MACIR: variants seen among roughly 807,000 people sequenced by gnomAD.
MACIR encodes UNC119-binding protein C5orf30.
A neutral mutation model predicts 14.3 loss-of-function variants in MACIR; 4 were observed. The ratio of observed to expected loss-of-function variants is 0.28; its 90% CI spans 0.14 to 0.64. MACIR has a LOEUF of 0.64. MACIR is among the 30% of genes least tolerant of loss of function. The pLI is 0.83. For synonymous variants in MACIR, 101 were observed against 102.4 expected (o/e 0.99, Z 0.08); for missense variants, 228 against 257.6 (o/e 0.89, Z 0.79).
At chr5:103,263,848 C>T (rs558208339) in intron 1 of MACIR, among the ~76,000 whole-genome samples, 8 of 152,060 alleles carry the variant, frequency 5.3e-5, no homozygotes, top group South Asian at 2.1e-4. Flanking sequence ...TATAACCAGA[C>T]GGTATTGGTT....
intron 2 of MACIR, among the ~76,000 whole-genome samples, chr5:103,273,834 GA>G (rs1554237373): frequency 6.6e-6 from 1 of 152,204 alleles, no homozygotes; most frequent in East Asian, 1.9e-4. Flanking sequence ...TATACTAAAT[GA>G]GAATGCAGTA....
At chr5:103,264,161 T>C (rs1395840301) in intron 1 of MACIR, among the ~76,000 whole-genome samples, 1 of 152,168 alleles carries the variant, frequency 6.6e-6, no homozygotes, top group East Asian at 1.9e-4. Flanking sequence ...ATACATGTTG[T>C]CTTATCATTG....
At position 103,276,797 on chromosome 5, in the gene MACIR, A is replaced by C. The variant is rs533752566; in HGVS notation, c.*257A>C. On this transcript the variant is annotated 3_prime_UTR_variant, in exon 3 of 3. Transcript: ENST00000319933. ...TGTTAGTTTGTATAGCTTTTTAGCT[A>C]GGAAAAAAAGGCTTTGGTACAGTAA... 156 of 331,962 alleles carry C rather than the reference A, an allele frequency of 4.7e-4. 2 individuals are homozygous for C. The highest frequency in any genetic ancestry group is 3.2e-3 in the African/African-American group (149 of 46,936). The allele number at this position is 331,962 out of a possible 1,614,324, so 20.6% of individuals were successfully genotyped here. A position where few individuals can be genotyped will look rare whatever the true frequency, so the allele number is the denominator to read the frequency against.
rs1469616251 is a variant in MACIR, at chr5:103,276,061, G to T, written c.142G>T (p.Val48Leu). Residue 48 changes from valine to leucine, a missense_variant, in exon 3 of 3, where the codon GTG becomes TTG. By Grantham distance (32) the Val-to-Leu change is conservative (BLOSUM62 1). Coordinates refer to ENST00000319933, the MANE Select transcript of MACIR (RefSeq NM_033211.4). ...ACCCTGCTCCCCGATGCGGAGGACCGTGTCAGGCTACCAGATCCTACACAT... is the reference window on the plus strand; with the variant it reads ...ACCCTGCTCCCCGATGCGGAGGACCTTGTCAGGCTACCAGATCCTACACAT... ...STPCSPMRRT[V>L]SGYQILHMDS... is the part of the protein sequence containing the mutation. 1 of 1,614,058 alleles carries T rather than the reference G, an allele frequency of 6.2e-7. No homozygotes were observed. Among genetic ancestry groups the T allele is most frequent in the East Asian group, 2.2e-5 (1 of 44,868 alleles).
In MACIR at chr5:103,268,359, A is replaced by G. The variant is rs532356204; in HGVS notation, c.-24+2362A>G. Among the ~76,000 whole-genome samples, 3 of 152,316 alleles carry G rather than the reference A, an allele frequency of 2.0e-5. No homozygotes were observed. The East Asian group carries it at 5.8e-4, about 29-fold the overall frequency. On this transcript the variant is annotated intron_variant, in intron 2 of 2. Transcript: ENST00000319933. ...AAGGAGCCCGATTCTCATTCAGCAC[A>G]GATTTATTTTTATTTTATATGCAGT... is the stretch of plus-strand genomic sequence containing the variant.
intron 1 of MACIR, among the ~76,000 whole-genome samples, chr5:103,262,702 T>G (rs1243004937): frequency 6.6e-6 from 1 of 152,196 alleles, no homozygotes; most frequent in Non-Finnish European, 1.5e-5. Context: ...CTGCTTGGTT[T>G]TTTCCTATTT....
chr5:103,262,700 T>C (rs985605330), intron 1 of MACIR, among the ~76,000 whole-genome samples: 10 of 152,160 alleles, frequency 6.6e-5, no homozygotes, highest in Admixed American at 2.0e-4. Flanking sequence ...CACTGCTTGG[T>C]TTTTTCCTAT....
At chr5:103,272,806 C>T (rs782729494) in intron 2 of MACIR, among the ~76,000 whole-genome samples, 3 of 152,118 alleles carry the variant, frequency 2.0e-5, no homozygotes, top group Non-Finnish European at 2.9e-5. Flanking sequence ...ATATCGAGAC[C>T]TGAAGTTGTT....
rs1805320491 is a variant in MACIR, at chr5:103,276,155, G to A, written c.236G>A (p.Gly79Glu). 1 of 1,613,910 alleles carries A rather than the reference G, an allele frequency of 6.2e-7. No individual in the cohort carries two copies. The highest frequency in any genetic ancestry group is 8.5e-7 in the Non-Finnish European group (1 of 1,179,988). ...CTGAAGTTAGCTCAGAAGTGCACAGGAGGTGAAGAGAGCAAAGCAGAAGCC... is the reference window on the plus strand; with the variant it reads ...CTGAAGTTAGCTCAGAAGTGCACAGAAGGTGAAGAGAGCAAAGCAGAAGCC... ...ELLKLAQKCT[G>E]GEESKAEAMP... The change falls in exon 3 of 3, where the codon GGA becomes GAA. Residue 79 changes from glycine to glutamate, a missense_variant. By Grantham distance (98) the Gly-to-Glu change is moderately conservative. Transcript: ENST00000319933.
chr5:103,264,095 T>A (rs1445072351), intron 1 of MACIR, among the ~76,000 whole-genome samples: 1 of 152,166 alleles, frequency 6.6e-6, no homozygotes, highest in Non-Finnish European at 1.5e-5. Context: ...AGATTTTCAC[T>A]TATAGAAATT....
intron 2 of MACIR, among the ~76,000 whole-genome samples, chr5:103,268,119 G>T (rs552916403): frequency 6.6e-6 from 1 of 152,264 alleles, no homozygotes; most frequent in Non-Finnish European, 1.5e-5. Flanking sequence ...TTCGGTGTTT[G>T]TGAATGAAGC....
At position 103,276,327 on chromosome 5, in the gene MACIR, G is replaced by C. The variant is rs1805331456; in HGVS notation, c.408G>C (p.Lys136Asn). ...RRRRMPSSGD[K>N]CTKSLPYEPY... ...GGCGGATGCCAAGCTCAGGAGACAAGTGCACTAAATCTTTACCTTATGAAC... is the reference window on the plus strand; with the variant it reads ...GGCGGATGCCAAGCTCAGGAGACAACTGCACTAAATCTTTACCTTATGAAC... The change falls in exon 3 of 3, where the codon AAG becomes AAC. Residue 136 changes from lysine to asparagine, a missense_variant. Physicochemically the swap from Lys to Asn is moderately conservative, Grantham distance 94. Transcript: ENST00000319933. 5.0e-6 allele frequency: 8 copies of C among 1,612,832 alleles called. No individual in the cohort carries two copies. Among genetic ancestry groups the C allele is most frequent in the Non-Finnish European group, 5.9e-6 (7 of 1,179,888 alleles).
At position 103,276,462 on chromosome 5, in the gene MACIR, T is replaced by A; in HGVS notation, c.543T>A (p.Ala181=). Residue 181 remains alanine, a synonymous_variant, in exon 3 of 3, where the codon GCT becomes GCA. Transcript: ENST00000319933. ...TAGATAAAATGATCAAGGAGCCAGC[T>A]GATACAGAAGTGCTACAGTACCAGC... ...LNLDKMIKEP[A]DTEVLQYQLQ... 1 of 1,614,066 alleles carries A rather than the reference T, an allele frequency of 6.2e-7. No individual in the cohort carries two copies.
chr5:103,259,462 T>A (rs553409686), intron 1 of MACIR: 1 of 152,150 alleles, frequency 6.6e-6, no homozygotes, highest in Non-Finnish European at 1.5e-5. Flanking sequence ...GCAGCGGGCC[T>A]GGAGGCCCCT....
chr5:103,261,432 T>C (rs1296414886), intron 1 of MACIR, among the ~76,000 whole-genome samples: 4 of 152,246 alleles, frequency 2.6e-5, no homozygotes, highest in Non-Finnish European at 5.9e-5. Context: ...TAAGCCATTT[T>C]ATTTCTGCTT....
intron 2 of MACIR, among the ~76,000 whole-genome samples, chr5:103,269,125 T>C (rs1219091559): frequency 2.6e-5 from 4 of 152,082 alleles, no homozygotes; most frequent in Admixed American, 2.6e-4. Flanking sequence ...GGAGGATCGC[T>C]TGAGACCAGG....
chr5:103,262,918 C>T (rs1390541042), intron 1 of MACIR, among the ~76,000 whole-genome samples: 1 of 152,032 alleles, frequency 6.6e-6, no homozygotes, highest in African/African-American at 2.4e-5. Context: ...CTTTCCAAGC[C>T]TTCAGTGTTT....
chr5:103,274,486 T>C (rs1478573606), intron 2 of MACIR, among the ~76,000 whole-genome samples: 2 of 151,888 alleles, frequency 1.3e-5, no homozygotes, highest in African/African-American at 4.8e-5. Flanking sequence ...AGGTTGAGAA[T>C]AAATAGTGAG....
In MACIR at chr5:103,271,590, G is replaced by A. The variant is rs549674343; in HGVS notation, c.-23-4307G>A. Among the ~76,000 whole-genome samples the A allele has an allele frequency of 1.2e-3, 188 of 152,146 alleles. 1 individual carries two copies. Among genetic ancestry groups the A allele is most frequent in the Admixed American group, 3.4e-3 (52 of 15,284 alleles). ...CCACGTAAATTTCAGCAATATAGAA[G>A]CATCTATAAACGTTGCCAAATCTTT... On this transcript the variant is annotated intron_variant, in intron 2 of 2. Coordinates refer to ENST00000319933, the MANE Select transcript of MACIR (RefSeq NM_033211.4).
Sources: allele counts gnomAD v4.1 joint callset (sites outside exome capture counted in the v4.1 genomes callset), GRCh38; gene constraint gnomAD v4.1.1; transcripts MANE v1.5; gene names NCBI Gene and HGNC (gene_info 2026-07-23, HGNC 2026-07-21).